The following MYOF variants were observed in gnomAD, a reference collection of about 807,000 sequenced individuals.
MYOF encodes the protein fer-1-like 3, myoferlin.
MYOF carries 244 observed loss-of-function variants against 284.2 expected under a neutral mutation model. That is an observed-to-expected ratio of 0.86 (90% CI 0.77 to 0.95). The LOEUF (loss-of-function observed/expected upper bound fraction) is 0.95, where lower values mean the gene tolerates loss of function less well. MYOF is among the 40% of genes least tolerant of loss of function. MYOF has a pLI of 0.00. For missense variants in MYOF, 2,496 were observed against 2,560.6 expected (o/e 0.97, Z 0.54); for synonymous variants, 904 against 919.7 (o/e 0.98, Z 0.31).
At chr10:93,433,792 G>A (rs11187424) in intron 3 of MYOF, among the ~76,000 whole-genome samples, 48,699 of 152,144 alleles carry the variant, frequency 0.32, 8,528 homozygotes, top group Middle Eastern at 0.47. Context: ...CCACATGGCA[G>A]CATAGGCACA....
chr10:93,355,217 A>G (rs960402985), intron 31 of MYOF, among the ~76,000 whole-genome samples: 1 of 152,248 alleles, frequency 6.6e-6, no homozygotes, highest in Non-Finnish European at 1.5e-5. Context: ...TTGCATGAAG[A>G]GATTTTAAAA....
chr10:93,324,802 CAG>C (rs995914786), intron 46 of MYOF, among the ~76,000 whole-genome samples: 21 of 151,890 alleles, frequency 1.4e-4, no homozygotes, highest in African/African-American at 4.6e-4. Context: ...TTTTGTGAGA[CAG>C]AGTCTGGCTC....
chr10:93,383,457 TTG>T (rs1227724969), intron 19 of MYOF, among the ~76,000 whole-genome samples: 4 of 152,096 alleles, frequency 2.6e-5, no homozygotes, highest in Admixed American at 6.6e-5. Flanking sequence ...GACGGGAGCA[TTG>T]TGAGTCTAAA....
At chr10:93,345,958 G>C (rs558812021) in intron 37 of MYOF, among the ~76,000 whole-genome samples, 1 of 152,120 alleles carries the variant, frequency 6.6e-6, no homozygotes, top group African/African-American at 2.4e-5. Flanking sequence ...CAGAGAAAGC[G>C]TGTAGCATTT....
At position 93,392,995 on chromosome 10, in the gene MYOF, C is replaced by G. The variant is rs762607276; in HGVS notation, c.1418-40G>C. 10 of 1,537,296 alleles carry G rather than the reference C, an allele frequency of 6.5e-6. No homozygotes were observed. The South Asian group carries it at 1.0e-4, about 16-fold the overall frequency. On this transcript the variant is annotated intron_variant, in intron 16 of 53. Coordinates refer to ENST00000359263, the MANE Select transcript of MYOF (RefSeq NM_013451.4). ...TATGACTGGTTAAACAAGAAGAACA[C>G]GGGCATTATAAAACAGACATTGAAA...
chr10:93,325,011 T>A (rs1221145275), intron 46 of MYOF, among the ~76,000 whole-genome samples: 1 of 152,066 alleles, frequency 6.6e-6, no homozygotes, highest in Non-Finnish European at 1.5e-5. Flanking sequence ...AACTCCTGAC[T>A]TCGTGATCCA....
At chr10:93,383,775 G>T (rs535672573) in intron 19 of MYOF, among the ~76,000 whole-genome samples, 17 of 152,298 alleles carry the variant, frequency 1.1e-4, no homozygotes, top group African/African-American at 3.8e-4. Context: ...AGGAGAAAAT[G>T]ACCGGTATTT....
At chr10:93,323,725 G>A (rs1005422528) in intron 46 of MYOF, 11 of 210,446 alleles carry the variant, frequency 5.2e-5, no homozygotes, top group East Asian at 1.0e-4. Context: ...GCGCGTGCGC[G>A]CACATCCCCC....
chr10:93,333,352 G>A (rs779061542), intron 42 of MYOF, 40 bp from the exon 43 acceptor site: 19 of 1,558,358 alleles, frequency 1.2e-5, no homozygotes, highest in Non-Finnish European at 1.6e-5. Context: ...TCATTGTAGG[G>A]CGCAAGGTGA....
intron 1 of MYOF, among the ~76,000 whole-genome samples, chr10:93,467,677 A>AT (rs1450779518): frequency 1.3e-5 from 2 of 152,176 alleles, no homozygotes; most frequent in Non-Finnish European, 2.9e-5. Context: ...ATGCACACGT[A>AT]TGTTTATTGC....
intron 4 of MYOF, 79 bp downstream of exon 4, chr10:93,431,329 G>A (rs1024809152): frequency 3.3e-5 from 41 of 1,249,868 alleles, no homozygotes; most frequent in Non-Finnish European, 4.0e-5. Flanking sequence ...CACCACGCCC[G>A]GCCTTAGACC....
At chr10:93,319,488 G>A (rs1345330849) in intron 49 of MYOF, among the ~76,000 whole-genome samples, 4 of 152,144 alleles carry the variant, frequency 2.6e-5, no homozygotes, top group African/African-American at 9.7e-5. Flanking sequence ...GTTTGATAAG[G>A]AAGGATACCC....
Position 93,332,308 on chromosome 10 carries a change from C to T in MYOF, c.4811+913G>A, listed in dbSNP as rs568768184. On this transcript the variant is annotated intron_variant, in intron 43 of 53. Coordinates refer to ENST00000359263, the MANE Select transcript of MYOF (RefSeq NM_013451.4). ...CGCGATCTCAGCTCACTGCAACCTC[C>T]ACCTCCCAGGTTCAAGCAATTCTCC... Among the ~76,000 whole-genome samples the T allele has an allele frequency of 1.9e-4, 29 of 151,838 alleles. No individual in the cohort carries two copies. In the East Asian group the frequency reaches 4.7e-3, roughly 25 times the overall value.
intron 9 of MYOF, among the ~76,000 whole-genome samples, 192 bp from the exon 10 acceptor site, chr10:93,403,082 T>C (rs1283445665): frequency 2.0e-5 from 3 of 152,168 alleles, no homozygotes; most frequent in African/African-American, 7.2e-5. Flanking sequence ...AGACCCTCAG[T>C]AAGTCACTAT....
chr10:93,365,887 G>A (rs1039254830), intron 26 of MYOF, among the ~76,000 whole-genome samples: 5 of 152,334 alleles, frequency 3.3e-5, no homozygotes, highest in Admixed American at 3.3e-4. Context: ...TCCACTGTGT[G>A]TACAAGTGTC....
At chr10:93,316,643 C>T in intron 50 of MYOF, 71 bp downstream of exon 50, 5 of 1,365,480 alleles carry the variant, frequency 3.7e-6, no homozygotes, top group South Asian at 1.2e-5. Context: ...AGAATTGCTT[C>T]CAAGTTTTCA....
chr10:93,369,114 T>TTTTTTTC, intron 25 of MYOF, among the ~76,000 whole-genome samples: 1 of 140,374 alleles, frequency 7.1e-6, no homozygotes, highest in African/African-American at 2.8e-5. Context: ...AGACAGCTTT[T>TTTTTTTC]TTTTTTTTTT....
At chr10:93,381,168 G>A (rs184218837) in intron 20 of MYOF, 51 bp downstream of exon 20, 160 of 1,587,074 alleles carry the variant, frequency 1.0e-4, no homozygotes, top group African/African-American at 4.2e-4. Flanking sequence ...TTCCGGTCCC[G>A]TGGTGCACCC....
chr10:93,396,611 C>A (rs530871987), intron 15 of MYOF, among the ~76,000 whole-genome samples: 27 of 152,304 alleles, frequency 1.8e-4, no homozygotes, highest in African/African-American at 6.0e-4. Context: ...TATGGCTACA[C>A]TCAATACCAT....
Sources: allele counts gnomAD v4.1 joint callset (sites outside exome capture counted in the v4.1 genomes callset), GRCh38; gene constraint gnomAD v4.1.1; transcripts MANE v1.5; gene names NCBI Gene and HGNC (gene_info 2026-07-23, HGNC 2026-07-21).